The following ADRA1B variants were observed in gnomAD, a reference collection of about 807,000 sequenced individuals.
ADRA1B encodes the protein alpha-1B adrenergic receptor.
A neutral mutation model predicts 17.9 loss-of-function variants in ADRA1B; 17 were observed. The observed-to-expected ratio is 0.95, with a 90% CI of 0.65 to 1.42. ADRA1B has a LOEUF of 1.42. Ranked by LOEUF, ADRA1B falls within the 40% of genes most tolerant of loss-of-function variation. The probability of loss-of-function intolerance (pLI) is 0.00; values close to 1 mark genes in which losing one functional copy is unlikely to be tolerated. For synonymous variants in ADRA1B, 366 were observed against 327.6 expected (o/e 1.12, Z -1.27); for missense variants, 681 against 722.1 (o/e 0.94, Z 0.65).
At chr5:159,951,069 T>A (rs1755425436) in intron 1 of ADRA1B, 1 of 723,098 alleles carries the variant, frequency 1.4e-6, no homozygotes, top group Non-Finnish European at 2.6e-6. Context: ...CTGACGATAT[T>A]GAGTCTGTTG....
chr5:159,875,208 C>T (rs889301281), intron 1 of ADRA1B, among the ~76,000 whole-genome samples: 5 of 152,116 alleles, frequency 3.3e-5, no homozygotes, highest in African/African-American at 1.2e-4. Context: ...ATGCACAGGA[C>T]TTATACTAAG....
At chr5:159,974,107 T>C (rs1755936493), downstream of ADRA1B, among the ~76,000 whole-genome samples, 1 of 152,072 alleles carries the variant, frequency 6.6e-6, no homozygotes, top group Admixed American at 6.5e-5. Context: ...GTGATTGATG[T>C]AGTTGAAAAG....
intron 1 of ADRA1B, among the ~76,000 whole-genome samples, chr5:159,925,592 A>G (rs1362646724): frequency 6.6e-6 from 1 of 152,166 alleles, no homozygotes; most frequent in Non-Finnish European, 1.5e-5. Context: ...ATGCCACAAG[A>G]TCAGGTGAGT....
In ADRA1B at chr5:159,917,131, C is replaced by A. The variant is rs1754337139; in HGVS notation, c.226C>A (p.Leu76Met). 9.9e-6 allele frequency: 16 copies of A among 1,614,154 alleles called. No individual in the cohort carries two copies. Among genetic ancestry groups the A allele is most frequent in the Non-Finnish European group, 1.4e-5 (16 of 1,180,018 alleles). Residue 76 changes from leucine (L) to methionine (M), a missense_variant, in exon 1 of 2, where the codon CTG becomes ATG. Physicochemically the swap from Leu to Met is conservative, Grantham distance 15 (BLOSUM62 2). Transcript: ENST00000306675. ...CTTGTCTGTGGCCTGCAACCGGCAC[C>A]TGCGGACGCCCACCAACTACTTCAT... is the stretch of plus-strand genomic sequence containing the variant. ...VILSVACNRH[L>M]RTPTNYFIVN... is the part of the protein sequence containing the mutation.
chr5:159,868,472 T>C (rs1035921490), intron 1 of ADRA1B: 2 of 152,208 alleles, frequency 1.3e-5, no homozygotes, highest in Non-Finnish European at 2.9e-5. Context: ...TTCCACAAGG[T>C]ATTGAGAATC....
In ADRA1B at chr5:159,939,174, C is replaced by T. The variant is rs531589681; in HGVS notation, c.949+21320C>T. On this transcript the variant is annotated intron_variant, in intron 1 of 1. Transcript: ENST00000306675. ...ACTGTGATCTGGAATAAACATAGAA[C>T]TCAGAGCTACTGGTTTTCATTTGAG... Among the ~76,000 whole-genome samples, 11 of 151,322 alleles carry T rather than the reference C, an allele frequency of 7.3e-5. No homozygotes were observed. In the South Asian group the frequency reaches 1.0e-3, roughly 14 times the overall value.
chr5:159,970,638 C>A (rs1755849349), intron 1 of ADRA1B, among the ~76,000 whole-genome samples: 1 of 152,142 alleles, frequency 6.6e-6, no homozygotes, highest in Non-Finnish European at 1.5e-5. Context: ...ATACTTAGAC[C>A]AAGTGCTAGC....
At chr5:159,900,074 C>G (rs1479491812) in intron 1 of ADRA1B, among the ~76,000 whole-genome samples, 1 of 152,178 alleles carries the variant, frequency 6.6e-6, no homozygotes, top group Non-Finnish European at 1.5e-5. Context: ...TTTAAATAGT[C>G]TATTCTAGTC....
At chr5:159,932,634 A>G (rs1479384572) in intron 1 of ADRA1B, among the ~76,000 whole-genome samples, 1 of 152,174 alleles carries the variant, frequency 6.6e-6, no homozygotes. Flanking sequence ...CCTTGGCCCC[A>G]GTCATCCAAT....
intron 1 of ADRA1B, chr5:159,951,495 C>G (rs944776482): frequency 1.3e-5 from 9 of 690,572 alleles, no homozygotes; most frequent in Non-Finnish European, 2.4e-5. Flanking sequence ...TTCACCTTCA[C>G]CACGGTGTCT....
At position 159,916,782 on chromosome 5, in the gene ADRA1B, C is replaced by T. The variant is rs1055304670; in HGVS notation, c.-124C>T. 1.2e-5 allele frequency: 11 copies of T among 956,106 alleles called. No homozygotes were observed. Among genetic ancestry groups the T allele is most frequent in the Admixed American group, 1.1e-4 (4 of 35,150 alleles). 59.2% of individuals were successfully genotyped at this position (956,106 alleles called of 1,614,324 possible). ...GGGCTGCCCGGGGGAGATGACTCCT[C>T]GCCAGGAGGGCGCCTCTGGGAAGAA... On this transcript the variant is annotated 5_prime_UTR_variant, in exon 1 of 2. Transcript: ENST00000306675.
chr5:159,890,202 C>T (rs944322247), intron 1 of ADRA1B, among the ~76,000 whole-genome samples: 1 of 152,126 alleles, frequency 6.6e-6, no homozygotes, highest in African/African-American at 2.4e-5. Context: ...AGTTGCATTT[C>T]CTGCCATCTC....
chr5:159,927,449 G>T (rs952794176), intron 1 of ADRA1B, among the ~76,000 whole-genome samples: 1 of 145,022 alleles, frequency 6.9e-6, no homozygotes, highest in African/African-American at 2.6e-5. Flanking sequence ...TGTAAGGAAG[G>T]CCAACAATAT....
intron 1 of ADRA1B, among the ~76,000 whole-genome samples, chr5:159,892,414 A>G (rs1753992555): frequency 6.6e-6 from 1 of 152,150 alleles, no homozygotes; most frequent in Non-Finnish European, 1.5e-5. Context: ...GGTTTGCTGC[A>G]CAGATCATCC....
At chr5:159,982,188 C>A in the ADRA1B span, among the ~76,000 whole-genome samples, 3 of 152,172 alleles carry the variant, frequency 2.0e-5, no homozygotes, top group African/African-American at 7.2e-5. Flanking sequence ...CTAGCTGAGC[C>A]CAGCCAATCC....
chr5:159,866,308 A>AT (rs1296090076), intron 1 of ADRA1B, among the ~76,000 whole-genome samples: 1 of 151,514 alleles, frequency 6.6e-6, no homozygotes, highest in Non-Finnish European at 1.5e-5. Context: ...AAAAAAAAAA[A>AT]AAAAAGATGC....
chr5:159,883,518 G>C (rs561865739), intron 1 of ADRA1B, among the ~76,000 whole-genome samples: 1 of 152,302 alleles, frequency 6.6e-6, no homozygotes, highest in Admixed American at 6.5e-5. Flanking sequence ...ATTTAGCCTA[G>C]AGCAACAGTC....
intron 1 of ADRA1B, among the ~76,000 whole-genome samples, chr5:159,902,040 T>C (rs1754105809): frequency 6.6e-6 from 1 of 152,224 alleles, no homozygotes. Flanking sequence ...CAAAAGATAT[T>C]TATGCACCCA....
intron 1 of ADRA1B, among the ~76,000 whole-genome samples, chr5:159,967,313 A>C (rs1334904303): frequency 6.6e-6 from 1 of 152,198 alleles, no homozygotes; most frequent in Non-Finnish European, 1.5e-5. Flanking sequence ...AAAAGCAAAC[A>C]ATAAAATAAC....
Sources: allele counts gnomAD v4.1 joint callset (sites outside exome capture counted in the v4.1 genomes callset), GRCh38; gene constraint gnomAD v4.1.1; transcripts MANE v1.5; gene names NCBI Gene and HGNC (gene_info 2026-07-23, HGNC 2026-07-21).